NELL1: variants seen among roughly 807,000 people sequenced by gnomAD.
NELL1 encodes protein kinase C-binding protein NELL1.
In NELL1, 76 loss-of-function variants were observed where a neutral mutation model predicts 107.4. That is an observed-to-expected ratio of 0.71 (90% CI 0.59 to 0.86). NELL1 has a LOEUF of 0.86. Ranked by LOEUF, NELL1 falls within the 40% of genes least tolerant of loss-of-function variation. The probability of loss-of-function intolerance (pLI) is 0.00; values close to 1 mark genes in which losing one functional copy is unlikely to be tolerated. For missense variants in NELL1, 1,024 were observed against 1,005.5 expected, an observed-to-expected ratio of 1.02 and a Z score of -0.25; for synonymous variants, 353 against 341.2, an observed-to-expected ratio of 1.03 and a Z score of -0.38.
At chr11:21,568,402 C>G (rs1041138201) in intron 17 of NELL1, among the ~76,000 whole-genome samples, 1 of 151,766 alleles carries the variant, frequency 6.6e-6, no homozygotes, top group Non-Finnish European at 1.5e-5. Context: ...CTGTGCACTT[C>G]TGTACCTTTA....
Position 21,534,387 on chromosome 11 carries a change from T to C in NELL1, c.1659T>C (p.Cys553=). Residue 553 remains cysteine, a synonymous_variant, in exon 16 of 20, where the codon TGT becomes TGC. Coordinates refer to ENST00000357134, the MANE Select transcript of NELL1 (RefSeq NM_006157.5). The stretch of plus-strand genomic sequence containing the variant: ...TCTCTGAGGCAGATATTGATGAATG[T>C]TCAGAGGGAATCATTGAGTGCCACA... ...GSHCEKDIDE[C]SEGIIECHNH... The C allele has an allele frequency of 6.2e-7, 1 of 1,613,872 alleles. No individual in the cohort carries two copies. Among genetic ancestry groups the C allele is most frequent in the South Asian group, 1.1e-5 (1 of 91,082 alleles).
At chr11:20,898,188 A>C (rs2134127405) in intron 5 of NELL1, among the ~76,000 whole-genome samples, 1 of 152,330 alleles carries the variant, frequency 6.6e-6, no homozygotes, top group South Asian at 2.1e-4. Context: ...CAACAATGAT[A>C]GACTGGATTA....
intron 16 of NELL1, among the ~76,000 whole-genome samples, chr11:21,536,845 G>A (rs948273542): frequency 2.6e-5 from 4 of 152,128 alleles, no homozygotes; most frequent in African/African-American, 7.2e-5. Flanking sequence ...AATGTTACCT[G>A]TAGAGCCCTA....
At chr11:21,330,539 A>G (rs979616412) in intron 14 of NELL1, among the ~76,000 whole-genome samples, 11 of 152,060 alleles carry the variant, frequency 7.2e-5, no homozygotes, top group African/African-American at 2.4e-4. Context: ...TTGAATATGC[A>G]TGTCATCTCA....
At chr11:21,110,515 A>C (rs1366973929) in intron 12 of NELL1, among the ~76,000 whole-genome samples, 4 of 152,146 alleles carry the variant, frequency 2.6e-5, no homozygotes, top group African/African-American at 9.7e-5. Context: ...AATCTAGATG[A>C]GGCAGAGGCC....
Position 21,255,755 on chromosome 11 carries a change from C to A in NELL1, c.1549+26301C>A, listed in dbSNP as rs188840198. On this transcript the variant is annotated intron_variant, in intron 14 of 19. Transcript: ENST00000357134. ...AATAAAGTTTCAGACATACCCAATT[C>A]ATTCAGGTCTCATTAGCTTGTGCCT... Among the ~76,000 whole-genome samples the A allele has an allele frequency of 1.7e-3, 263 of 152,080 alleles. 1 individual carries two copies. The highest frequency in any genetic ancestry group is 6.2e-3 in the African/African-American group (257 of 41,510).
intron 13 of NELL1, among the ~76,000 whole-genome samples, chr11:21,153,883 A>G (rs139114980): frequency 1.3e-4 from 20 of 152,252 alleles, no homozygotes; most frequent in African/African-American, 4.6e-4. Context: ...GAAGTGGAGA[A>G]CGTGTTCTTA....
intron 14 of NELL1, chr11:21,284,350 C>G (rs1374824140): frequency 2.2e-6 from 1 of 457,144 alleles, no homozygotes; most frequent in Admixed American, 2.3e-5. Flanking sequence ...TGACAGAGAG[C>G]CTAAAGATCA....
At chr11:21,278,061 A>G (rs11025998) in intron 14 of NELL1, among the ~76,000 whole-genome samples, 120,519 of 152,018 alleles carry the variant, frequency 0.79, 49,047 homozygotes, top group Non-Finnish European at 0.88. Flanking sequence ...AAAAAAAAGA[A>G]AGAAAAAGCA....
intron 5 of NELL1, among the ~76,000 whole-genome samples, chr11:20,917,501 C>A (rs371505778): frequency 5.3e-5 from 8 of 151,996 alleles, no homozygotes; most frequent in Admixed American, 3.9e-4. Context: ...TCCATCTGTT[C>A]TGTAATATCT....
In NELL1 at chr11:21,544,029, A is replaced by G. The variant is rs146282565; in HGVS notation, c.1786+9515A>G. ...TATCTTTTCATTCTCAGTCTTTTGA[A>G]TATCTTCCTAATGGCAACTATGACT... On this transcript the variant is annotated intron_variant, in intron 16 of 19. Transcript: ENST00000357134. 5.3e-3 allele frequency among the ~76,000 whole-genome samples: 808 copies of G among 152,096 alleles called. 2 individuals are homozygous for G. Among genetic ancestry groups the G allele is most frequent in the Non-Finnish European group, 8.4e-3 (574 of 67,952 alleles).
chr11:21,262,535 T>C (rs2133924137), intron 14 of NELL1: 1 of 152,044 alleles, frequency 6.6e-6, no homozygotes, highest in South Asian at 2.1e-4. Context: ...AAAATAATTA[T>C]ACCTTCACTC....
At chr11:20,885,597 G>C in intron 5 of NELL1, 57 bp downstream of exon 5, 1 of 1,093,222 alleles carries the variant, frequency 9.1e-7, no homozygotes, top group Non-Finnish European at 1.4e-6. Context: ...TCAGTTTTCT[G>C]TGTTATTTAT....
At chr11:21,327,336 A>G (rs1590840537) in intron 14 of NELL1, among the ~76,000 whole-genome samples, 1 of 150,110 alleles carries the variant, frequency 6.7e-6, no homozygotes, top group East Asian at 2.0e-4. Flanking sequence ...CCTAAAACTT[A>G]AAGTATAAAA....
At chr11:20,685,131 A>G (rs1854276982) in intron 2 of NELL1, among the ~76,000 whole-genome samples, 1 of 151,630 alleles carries the variant, frequency 6.6e-6, no homozygotes, top group African/African-American at 2.4e-5. Flanking sequence ...TCCTCAACTC[A>G]AGGAGATTGC....
intron 13 of NELL1, among the ~76,000 whole-genome samples, chr11:21,185,428 G>A (rs902253168): frequency 6.6e-6 from 1 of 150,474 alleles, no homozygotes; most frequent in Non-Finnish European, 1.5e-5. Flanking sequence ...TCGAATAGCT[G>A]GGATTACAGG....
At chr11:20,755,060 T>C (rs1274305004) in intron 2 of NELL1, among the ~76,000 whole-genome samples, 1 of 152,184 alleles carries the variant, frequency 6.6e-6, no homozygotes, top group Non-Finnish European at 1.5e-5. Flanking sequence ...TACATGTACA[T>C]ATCTGGCCTG....
chr11:21,461,022 CT>C (rs975164313), intron 15 of NELL1, among the ~76,000 whole-genome samples: 1 of 151,998 alleles, frequency 6.6e-6, no homozygotes, highest in Non-Finnish European at 1.5e-5. Flanking sequence ...TGGTAAACAT[CT>C]TCAGTAATAA....
chr11:21,054,371 G>A (rs1201570071), intron 12 of NELL1, among the ~76,000 whole-genome samples: 2 of 151,838 alleles, frequency 1.3e-5, no homozygotes, highest in Non-Finnish European at 2.9e-5. Flanking sequence ...GTTATCTAAT[G>A]TTTAATATTG....
Sources: allele counts gnomAD v4.1 joint callset (sites outside exome capture counted in the v4.1 genomes callset), GRCh38; gene constraint gnomAD v4.1.1; transcripts MANE v1.5; gene names NCBI Gene and HGNC (gene_info 2026-07-23, HGNC 2026-07-21).